The following ARHGAP15 variants were observed in gnomAD, a reference collection of about 807,000 sequenced individuals.
ARHGAP15 encodes Rho GTPase activating protein 15, also known as rho GTPase-activating protein 15.
In ARHGAP15, 51 loss-of-function variants were observed where a neutral mutation model predicts 63.7. The observed-to-expected ratio is 0.80, with a 90% CI of 0.64 to 1.01. ARHGAP15 has a LOEUF of 1.01. Among genes scored for constraint, ARHGAP15 ranks in the 50% least tolerant of loss-of-function variants. The pLI, the probability that ARHGAP15 is intolerant of heterozygous loss-of-function variation, is 0.00. For missense variants in ARHGAP15, 560 were observed against 564.6 expected, an observed-to-expected ratio of 0.99 and a Z score of 0.08; for synonymous variants, 191 against 193.8, an observed-to-expected ratio of 0.99 and a Z score of 0.12.
chr2:143,745,223 T>C (rs1373121664), intron 13 of ARHGAP15, among the ~76,000 whole-genome samples: 1 of 152,230 alleles, frequency 6.6e-6, no homozygotes, highest in Non-Finnish European at 1.5e-5. Context: ...AAATTACTTT[T>C]CTGCTGAATG....
intron 6 of ARHGAP15, among the ~76,000 whole-genome samples, chr2:143,338,110 C>G (rs1276031694): frequency 2.0e-5 from 3 of 152,112 alleles, no homozygotes; most frequent in Non-Finnish European, 4.4e-5. Flanking sequence ...ACAATTACTT[C>G]CATGAAGTAG....
chr2:143,609,773 T>A (rs1302675904), intron 11 of ARHGAP15, among the ~76,000 whole-genome samples: 1 of 152,076 alleles, frequency 6.6e-6, no homozygotes, highest in African/African-American at 2.4e-5. Context: ...GGCTTCCAAC[T>A]AGATTGGGCC....
intron 6 of ARHGAP15, among the ~76,000 whole-genome samples, chr2:143,356,811 G>C (rs999209390): frequency 1.1e-4 from 17 of 152,062 alleles, no homozygotes; most frequent in African/African-American, 4.1e-4. Flanking sequence ...TGCACAGGCT[G>C]TTTCCTGTGA....
intron 13 of ARHGAP15, chr2:143,741,303 C>G (rs1216870663): frequency 6.6e-6 from 1 of 152,180 alleles, no homozygotes; most frequent in Non-Finnish European, 1.5e-5. Context: ...TCAGAGAAAG[C>G]ATTTTGACTT....
At chr2:143,533,273 A>C (rs906685430) in intron 10 of ARHGAP15, 1 of 152,232 alleles carries the variant, frequency 6.6e-6, no homozygotes, top group African/African-American at 2.4e-5. Context: ...TAACGTTGGA[A>C]GAACTCTGAA....
Position 143,674,583 on chromosome 2 carries a change from T to C in ARHGAP15, c.1139-28836T>C, listed in dbSNP as rs557660471. Reference sequence around the variant, plus strand: ...CTACATTTATCAAAACTTACAGGCATACCTCAGAGAGATTGTGGGGTCAAT... The same window carrying C: ...CTACATTTATCAAAACTTACAGGCACACCTCAGAGAGATTGTGGGGTCAAT... On this transcript the variant is annotated intron_variant, in intron 12 of 13. Transcript: ENST00000295095. Among the ~76,000 whole-genome samples, 7 of 152,282 alleles carry C rather than the reference T, an allele frequency of 4.6e-5. No homozygotes were observed. The East Asian group carries it at 7.7e-4, about 17-fold the overall frequency.
intron 6 of ARHGAP15, among the ~76,000 whole-genome samples, chr2:143,360,372 A>C (rs954518853): frequency 4.6e-5 from 7 of 152,052 alleles, no homozygotes; most frequent in African/African-American, 1.7e-4. Context: ...GTGGTGGAGA[A>C]AGACCTCATC....
At position 143,377,535 on chromosome 2, in the gene ARHGAP15, G is replaced by A. The variant is rs538576223; in HGVS notation, c.475-58066G>A. On this transcript the variant is annotated intron_variant, in intron 6 of 13. Transcript: ENST00000295095. Reference sequence around the variant, plus strand: ...TATACATTGTTATTTTATAAATTGGGATCTGAAGCTAGTTTTGTTTCCTAT... The same window carrying A: ...TATACATTGTTATTTTATAAATTGGAATCTGAAGCTAGTTTTGTTTCCTAT... 3.3e-5 allele frequency among the ~76,000 whole-genome samples: 5 copies of A among 151,754 alleles called. No individual in the cohort carries two copies. The South Asian group carries it at 8.3e-4, about 25-fold the overall frequency.
intron 6 of ARHGAP15, among the ~76,000 whole-genome samples, chr2:143,392,545 A>G (rs1687580327): frequency 1.3e-5 from 2 of 152,218 alleles, no homozygotes; most frequent in Non-Finnish European, 1.5e-5. Flanking sequence ...CCCTTAGCTC[A>G]CAGCAACACT....
intron 6 of ARHGAP15, among the ~76,000 whole-genome samples, chr2:143,296,211 G>A (rs763610971): frequency 2.6e-5 from 4 of 151,984 alleles, no homozygotes; most frequent in Non-Finnish European, 4.4e-5. Flanking sequence ...GACTACGACT[G>A]TCCCTCTCTG....
intron 8 of ARHGAP15, among the ~76,000 whole-genome samples, chr2:143,484,087 G>A (rs1047197980): frequency 6.6e-6 from 1 of 152,108 alleles, no homozygotes; most frequent in Non-Finnish European, 1.5e-5. Context: ...AATTAGGCCA[G>A]GCGTGGTAGC....
At chr2:143,483,295 T>C (rs779947498) in intron 8 of ARHGAP15, among the ~76,000 whole-genome samples, 9 of 152,182 alleles carry the variant, frequency 5.9e-5, no homozygotes, top group Non-Finnish European at 1.0e-4. Flanking sequence ...ATTATTTTCA[T>C]AATCTAGCAT....
intron 6 of ARHGAP15, among the ~76,000 whole-genome samples, chr2:143,418,508 T>C (rs940081677): frequency 6.6e-6 from 1 of 152,174 alleles, no homozygotes; most frequent in African/African-American, 2.4e-5. Flanking sequence ...CGTCCCAAAT[T>C]AATATAGATA....
intron 6 of ARHGAP15, among the ~76,000 whole-genome samples, chr2:143,252,370 C>A (rs978874664): frequency 6.6e-6 from 1 of 152,000 alleles, no homozygotes; most frequent in Non-Finnish European, 1.5e-5. Context: ...CCTCCTGTTG[C>A]AATTTTCTAT....
In ARHGAP15 at chr2:143,421,898, A is replaced by AG. The variant is rs199746719; in HGVS notation, c.475-13696dup. 8.6e-3 allele frequency among the ~76,000 whole-genome samples: 1,301 copies of AG among 151,446 alleles called. 17 individuals are homozygous for AG. Among genetic ancestry groups the AG allele is most frequent in the African/African-American group, 0.029 (1,206 of 41,268 alleles). ...GAGAGAGAGTGTGAGAGAAAGAGAA[A>AG]GGGGGGGAGAGAGAGCAAGAAAGAG... On this transcript the variant is annotated intron_variant, in intron 6 of 13. Transcript: ENST00000295095.
At chr2:143,303,281 TC>T (rs1352399764) in intron 6 of ARHGAP15, among the ~76,000 whole-genome samples, 1 of 151,956 alleles carries the variant, frequency 6.6e-6, no homozygotes, top group Non-Finnish European at 1.5e-5. Flanking sequence ...AGGATTAATA[TC>T]CAGAATCTAC....
chr2:143,165,998 G>T (rs1314430756), intron 2 of ARHGAP15, among the ~76,000 whole-genome samples: 107 of 126,326 alleles, frequency 8.5e-4, no homozygotes, highest in Middle Eastern at 7.6e-3. Flanking sequence ...AAGAAAGAAA[G>T]AAAGAAGGAA....
At chr2:143,428,631 C>A (rs1468995981) in intron 6 of ARHGAP15, among the ~76,000 whole-genome samples, 1 of 152,012 alleles carries the variant, frequency 6.6e-6, no homozygotes, top group Non-Finnish European at 1.5e-5. Context: ...TTTCATTAAA[C>A]TGTAAACATA....
At chr2:143,285,155 A>G (rs193120159) in intron 6 of ARHGAP15, among the ~76,000 whole-genome samples, 67 of 152,286 alleles carry the variant, frequency 4.4e-4, no homozygotes, top group African/African-American at 1.6e-3. Context: ...ATGGTTACTT[A>G]AAAAATAAAA....
Sources: allele counts gnomAD v4.1 joint callset (sites outside exome capture counted in the v4.1 genomes callset), GRCh38; gene constraint gnomAD v4.1.1; transcripts MANE v1.5; gene names NCBI Gene and HGNC (gene_info 2026-07-23, HGNC 2026-07-21).